Variants in CMTR1 observed in about 807,000 individuals in gnomAD.
CMTR1 encodes the protein cap methyltransferase 1, also known as cap-specific mRNA (nucleoside-2'-O-)-methyltransferase 1.
Under a neutral mutation model 107.0 loss-of-function variants are expected in CMTR1, and 39 were observed. That is an observed-to-expected ratio of 0.36 (90% CI 0.28 to 0.48). CMTR1 has a LOEUF of 0.48. CMTR1 is among the 20% of genes least tolerant of loss of function. The pLI is 0.99. For synonymous variants in CMTR1, 366 were observed against 379.5 expected, an observed-to-expected ratio of 0.96 and a Z score of 0.41; for missense variants, 672 against 1,064.9, an observed-to-expected ratio of 0.63 and a Z score of 5.14.
Position 37,458,543 on chromosome 6 carries a change from T to G in CMTR1, c.778-69T>G, listed in dbSNP as rs1257502913. 1.3e-6 allele frequency: 2 copies of G among 1,488,726 alleles called. No individual in the cohort carries two copies. 92.2% of individuals were successfully genotyped at this position (1,488,726 alleles called of 1,614,324 possible). A position where few individuals can be genotyped will look rare whatever the true frequency, so the allele number is the denominator to read the frequency against. ...AAAGGCTTATTTTACTCTCCCTGCA[T>G]TCTCCTTCCTGTTGCCCATTGAGCT... On this transcript the variant is annotated intron_variant, in intron 8 of 23. Coordinates refer to ENST00000373451, the MANE Select transcript of CMTR1 (RefSeq NM_015050.3). This position sits in a 1 kb window ranked among gnomAD's most constrained non-coding sequence, Gnocchi z 4.7.
intron 13 of CMTR1, among the ~76,000 whole-genome samples, chr6:37,467,425 T>C (rs1482501033): frequency 6.6e-6 from 1 of 152,270 alleles, no homozygotes; most frequent in Non-Finnish European, 1.5e-5. Flanking sequence ...ACCCATCATA[T>C]GCTCTATCTT....
At chr6:37,463,044 A>C (rs1406026442) in intron 13 of CMTR1, 36 bp downstream of exon 13, 2 of 1,596,648 alleles carry the variant, frequency 1.3e-6, no homozygotes, top group African/African-American at 2.7e-5. Flanking sequence ...GGTAACACTG[A>C]GGTCCTAAGG....
chr6:37,447,104 C>T (rs1211562330), intron 4 of CMTR1, among the ~76,000 whole-genome samples: 4 of 152,122 alleles, frequency 2.6e-5, no homozygotes, highest in Admixed American at 6.5e-5. Context: ...ACAATAAAAA[C>T]ACCTAAAAAT....
chr6:37,455,306 C>T (rs1259536895), intron 8 of CMTR1, among the ~76,000 whole-genome samples: 5 of 152,146 alleles, frequency 3.3e-5, no homozygotes, highest in Non-Finnish European at 7.4e-5. Flanking sequence ...ATTAAACTCC[C>T]GACCTAAGGT....
In CMTR1 at chr6:37,459,606, A is replaced by G; in HGVS notation, c.1017A>G (p.Pro339=). 6.2e-7 allele frequency: 1 copy of G among 1,614,236 alleles called. No individual in the cohort carries two copies. ...ATGGAGATGGAGATATCACCCGCCCAGAGAACATCTCTGCTTTTCGGAATT... is the reference window on the plus strand; with the variant it reads ...ATGGAGATGGAGATATCACCCGCCCGGAGAACATCTCTGCTTTTCGGAATT... ...GIDGDGDITR[P]ENISAFRNFV... The change falls in exon 10 of 24, where the codon CCA becomes CCG. Residue 339 remains proline (P), a synonymous_variant. Transcript: ENST00000373451.
chr6:37,472,627 G>C lies in CMTR1; in HGVS notation c.1689+140G>C, dbSNP rs1581752071. 1 of 808,656 alleles carries C rather than the reference G, an allele frequency of 1.2e-6. No individual in the cohort carries two copies. The highest frequency in any genetic ancestry group is 1.7e-5 in the African/African-American group (1 of 58,678). The allele number at this position is 808,656 out of a possible 1,614,324, so 50.1% of individuals were successfully genotyped here. ...ATGGGCTCTAAGGGGCGGAGCTAAG[G>C]CTGCCACAGGTGGGAACCTTTGGTA... On this transcript the variant is annotated intron_variant, in intron 16 of 23. Coordinates refer to ENST00000373451, the MANE Select transcript of CMTR1 (RefSeq NM_015050.3). This position sits in a 1 kb window ranked among gnomAD's most constrained non-coding sequence, Gnocchi z 4.1.
rs750698371 is a variant in CMTR1, at chr6:37,480,096, A to G, written c.2459A>G (p.Lys820Arg). 2.5e-6 allele frequency: 4 copies of G among 1,594,580 alleles called. No individual in the cohort carries two copies. Among genetic ancestry groups the G allele is most frequent in the South Asian group, 2.3e-5 (2 of 87,622 alleles). ...TCCCAGAAGCCCCAGGACCAGGACA[A>G]GCTGTCCAAGGAGGACGTCCTCTCC... ...HDSQKPQDQD[K>R]LSKEDVLSFI... is the part of the protein sequence containing the mutation. The change falls in exon 24 of 24, where the codon AAG becomes AGG. Residue 820 changes from lysine to arginine, a missense_variant. Physicochemically the swap from Lys to Arg is conservative, Grantham distance 26 (BLOSUM62 2). Coordinates refer to ENST00000373451, the MANE Select transcript of CMTR1 (RefSeq NM_015050.3).
At position 37,453,134 on chromosome 6, in the gene CMTR1, C is replaced by T; in HGVS notation, c.697C>T (p.Leu233=). The part of the protein sequence containing the change: ...PYEMIRGVFF[L]NRAAMKMANM... The stretch of plus-strand genomic sequence containing the variant: ...TGAGATGATCCGAGGAGTCTTCTTT[C>T]TAAACAGGTTTGCTGACATTTCCCT... Residue 233 remains leucine (L), a synonymous_variant, in exon 7 of 24, where the codon CTA becomes TTA. Transcript: ENST00000373451. The T allele has an allele frequency of 2.5e-6, 4 of 1,614,162 alleles. No homozygotes were observed. Among genetic ancestry groups the T allele is most frequent in the Middle Eastern group, 1.6e-4 (1 of 6,062 alleles).
chr6:37,449,038 G>A (rs773352396), intron 4 of CMTR1, among the ~76,000 whole-genome samples: 18 of 152,068 alleles, frequency 1.2e-4, no homozygotes, highest in South Asian at 4.1e-4. Context: ...AATCCTGGGC[G>A]CAAGATATCC....
In CMTR1 at chr6:37,455,626, G is replaced by A. The variant is rs948839872; in HGVS notation, c.777+2314G>A. Among the ~76,000 whole-genome samples the A allele has an allele frequency of 9.2e-5, 14 of 152,214 alleles. No homozygotes were observed. In the East Asian group the frequency reaches 2.7e-3, roughly 29 times the overall value. ...TGAAGCATTGCAGAAGACAACTGAA[G>A]GTAGATCTCTAAGTTTCAGTCCTAG... On this transcript the variant is annotated intron_variant, in intron 8 of 23. Transcript: ENST00000373451.
chr6:37,450,481 G>A, intron 5 of CMTR1, 138 bp downstream of exon 5: 1 of 686,800 alleles, frequency 1.5e-6, no homozygotes, highest in South Asian at 1.7e-5. Context: ...ATAAAACTGT[G>A]TCAAGAGGGA....
intron 13 of CMTR1, among the ~76,000 whole-genome samples, chr6:37,470,304 GC>G (rs1262714311): frequency 6.6e-5 from 10 of 151,928 alleles, no homozygotes. Context: ...CCGCCACCAC[GC>G]CCGGCTGATT....
intron 4 of CMTR1, 50 bp from the exon 5 acceptor site, chr6:37,450,201 G>A (rs761866193): frequency 4.7e-6 from 7 of 1,489,646 alleles, no homozygotes; most frequent in Non-Finnish European, 6.6e-6. Context: ...TTGGGGTTTA[G>A]CTTTGAGGGT....
intron 2 of CMTR1, among the ~76,000 whole-genome samples, chr6:37,443,500 A>G (rs1258620415): frequency 6.6e-6 from 1 of 151,942 alleles, no homozygotes; most frequent in Non-Finnish European, 1.5e-5. Flanking sequence ...GATTACAGGC[A>G]CGCACTACCA....
intron 12 of CMTR1, 132 bp downstream of exon 12, chr6:37,462,234 A>G: frequency 1.9e-6 from 2 of 1,076,780 alleles, no homozygotes; most frequent in Admixed American, 2.1e-5. Flanking sequence ...ATGAGAGCCA[A>G]CAGGATTCAG....
chr6:37,471,680 G>A (rs1258243174), intron 14 of CMTR1, among the ~76,000 whole-genome samples, 167 bp from the exon 15 acceptor site: 1 of 152,138 alleles, frequency 6.6e-6, no homozygotes, highest in Non-Finnish European at 1.5e-5. Context: ...CAAAAGGAGA[G>A]CCTTGCATGT....
At chr6:37,463,338 G>A (rs1254079827) in intron 13 of CMTR1, among the ~76,000 whole-genome samples, 2 of 152,198 alleles carry the variant, frequency 1.3e-5, no homozygotes, top group Non-Finnish European at 2.9e-5. Context: ...GCTGCTGTTT[G>A]TAAAAGGCCA....
At chr6:37,425,220 T>C in the CMTR1 span, among the ~76,000 whole-genome samples, 3 of 151,424 alleles carry the variant, frequency 2.0e-5, no homozygotes, top group Non-Finnish European at 4.4e-5. Context: ...GGGAAATTTT[T>C]CCCTCACTTT....
chr6:37,433,762 C>T (rs1360102227), intron 1 of CMTR1, among the ~76,000 whole-genome samples: 7 of 152,220 alleles, frequency 4.6e-5, no homozygotes, highest in African/African-American at 2.4e-5. Flanking sequence ...GCTTGCCTTC[C>T]GCTTAGAAGT....
Sources: gnomAD v4.1 joint callset for allele counts (sites outside exome capture counted in the v4.1 genomes callset) on GRCh38, gnomAD v4.1.1 for gene constraint, Gnocchi (gnomAD v3.1) non-coding constraint, MANE v1.5 for transcripts, NCBI Gene and HGNC (gene_info 2026-07-23, HGNC 2026-07-21) for gene names.